Variants in JAGN1 observed in about 807,000 individuals in gnomAD.
JAGN1 encodes the protein protein jagunal homolog 1.
In JAGN1, 13 loss-of-function variants were observed where a neutral mutation model predicts 17.1. That is an observed-to-expected ratio of 0.76 (90% CI 0.49 to 1.21). The LOEUF is 1.21. Ranked by LOEUF, JAGN1 falls within the 50% of genes most tolerant of loss-of-function variation. The pLI, the probability that JAGN1 is intolerant of heterozygous loss-of-function variation, is 0.00. For missense variants in JAGN1, 256 were observed against 234.2 expected (o/e 1.09, Z -0.61); for synonymous variants, 111 against 91.0 (o/e 1.22, Z -1.25).
chr3:9,890,850 C>G lies in JAGN1; in HGVS notation c.89+39C>G, dbSNP rs570622285. The G allele has an allele frequency of 2.0e-5, 30 of 1,520,394 alleles. No individual in the cohort carries two copies. The Admixed American group carries it at 4.5e-4, about 23-fold the overall frequency. The allele number at this position is 1,520,394 out of a possible 1,614,324, so 94.2% of individuals were successfully genotyped here. A position where few individuals can be genotyped will look rare whatever the true frequency, so the allele number is the denominator to read the frequency against. Reference sequence around the variant, plus strand: ...CGAGGAGCACGGAGGCTTTCTCCCCCGCTGGAGCCTGCGGGGCTTGGGGAG... The same window carrying G: ...CGAGGAGCACGGAGGCTTTCTCCCCGGCTGGAGCCTGCGGGGCTTGGGGAG... On this transcript the variant is annotated intron_variant, in intron 1 of 1. Transcript: ENST00000647897.
At chr3:9,891,722 C>T (rs1402398532) in intron 1 of JAGN1, among the ~76,000 whole-genome samples, 2 of 152,060 alleles carry the variant, frequency 1.3e-5, no homozygotes, top group African/African-American at 4.8e-5. Flanking sequence ...ATCTCTAGGC[C>T]CCGGCTGAAA....
chr3:9,892,871 A>C (rs2082571939), intron 1 of JAGN1, 44 bp from the exon 2 acceptor site: 2 of 1,366,322 alleles, frequency 1.5e-6, no homozygotes, highest in South Asian at 1.3e-5. Flanking sequence ...AGTTGGTGGT[A>C]AGAAAAATTT....
At position 9,891,493 on chromosome 3, in the gene JAGN1, GA is replaced by G. The variant is rs536378383; in HGVS notation, c.89+692del. The stretch of plus-strand genomic sequence containing the variant: ...ACCTTCAATAAACAATTTTATTAAA[GA>G]AAAAAAAAACTGTTCCCTGCCTTCA... On this transcript the variant is annotated intron_variant, in intron 1 of 1. Coordinates refer to ENST00000647897, the MANE Select transcript of JAGN1 (RefSeq NM_032492.4). 9.6e-3 allele frequency among the ~76,000 whole-genome samples: 1,384 copies of G among 144,386 alleles called. 25 individuals are homozygous for G. The highest frequency in any genetic ancestry group is 0.033 in the African/African-American group (1,318 of 39,634). 94.7% of individuals were successfully genotyped at this position (144,386 alleles called of 152,430 possible). A position where few individuals can be genotyped will look rare whatever the true frequency, so the allele number is the denominator to read the frequency against.
chr3:9,891,793 G>A (rs9856893), intron 1 of JAGN1, among the ~76,000 whole-genome samples: 1,786 of 152,188 alleles, frequency 0.012, 46 homozygotes, highest in African/African-American at 0.041. Flanking sequence ...ATTGCCTTTA[G>A]GGATATGAGG....
In JAGN1 at chr3:9,893,617, C is replaced by T. The variant is rs2082577956; in HGVS notation, c.*240C>T. On this transcript the variant is annotated 3_prime_UTR_variant, in exon 2 of 2. Transcript: ENST00000647897. The stretch of plus-strand genomic sequence containing the variant: ...CAAATTTCAGCTGTTTGAAGTTGAA[C>T]TTTGAGGTTTTTCTTTAAGAATGAG... 4 of 509,708 alleles carry T rather than the reference C, an allele frequency of 7.8e-6. No homozygotes were observed. In the South Asian group the frequency reaches 1.1e-4, roughly 15 times the overall value. 31.6% of individuals were successfully genotyped at this position (509,708 alleles called of 1,614,324 possible).
At chr3:9,890,908 C>G (rs997833165) in intron 1 of JAGN1, 97 bp downstream of exon 1, 59 of 1,059,134 alleles carry the variant, frequency 5.6e-5, no homozygotes, top group Non-Finnish European at 7.8e-5. Flanking sequence ...TCTTGCTCCC[C>G]AGCCAGCCCC....
rs279558 is a variant in JAGN1 at position 9,890,653 on chromosome 3, G to C, written c.-70G>C. 987,337 of 1,461,532 alleles carry C rather than the reference G, an allele frequency of 0.68. 335,664 individuals carry two copies. The highest frequency in any genetic ancestry group is 0.71 in the East Asian group (29,165 of 40,794). 90.5% of individuals were successfully genotyped at this position (1,461,532 alleles called of 1,614,324 possible). On this transcript the variant is annotated 5_prime_UTR_variant, in exon 1 of 2. Transcript: ENST00000647897. ...GGCTGCGGGGGCGCAAATAGGGTCA[G>C]TGGGCCGCTTGGCGGTGTCGTTGCG...
At chr3:9,892,243 C>G (rs1398194849) in intron 1 of JAGN1, among the ~76,000 whole-genome samples, 2 of 152,116 alleles carry the variant, frequency 1.3e-5, no homozygotes, top group Admixed American at 6.5e-5. Context: ...GTCTCGATCT[C>G]CTGACCTCGT....
intron 1 of JAGN1, among the ~76,000 whole-genome samples, chr3:9,891,556 C>G (rs745882070): frequency 6.8e-6 from 1 of 146,814 alleles, no homozygotes; most frequent in Non-Finnish European, 1.5e-5. Flanking sequence ...TTTTTTTTTT[C>G]CAACCTTTCC....
In JAGN1 at chr3:9,893,402, C is replaced by G. The variant is rs1380995008; in HGVS notation, c.*25C>G. On this transcript the variant is annotated 3_prime_UTR_variant, in exon 2 of 2. Coordinates refer to ENST00000647897, the MANE Select transcript of JAGN1 (RefSeq NM_032492.4). ...AAGCCTCTTTGGGGTGAAGCCTGGACATCCCATCGAATGAAAGGACACTAG... is the reference window on the plus strand; with the variant it reads ...AAGCCTCTTTGGGGTGAAGCCTGGAGATCCCATCGAATGAAAGGACACTAG... 6.5e-7 allele frequency: 1 copy of G among 1,545,204 alleles called. No homozygotes were observed. The highest frequency in any genetic ancestry group is 2.0e-5 in the Admixed American group (1 of 50,834).
At chr3:9,892,311 C>T (rs1012751806) in intron 1 of JAGN1, among the ~76,000 whole-genome samples, 2 of 151,762 alleles carry the variant, frequency 1.3e-5, no homozygotes, top group Admixed American at 6.6e-5. Context: ...CCACCGCGCC[C>T]AGCCCTGCCT....
At chr3:9,891,111 A>G (rs1485743519) in intron 1 of JAGN1, among the ~76,000 whole-genome samples, 2 of 152,198 alleles carry the variant, frequency 1.3e-5, no homozygotes, top group Admixed American at 6.5e-5. Context: ...CACCTTCGAA[A>G]CCGAATTTCT....
Position 9,890,707 on chromosome 3 carries a change from G to A in JAGN1, c.-16G>A, listed in dbSNP as rs1295430589. 3.7e-6 allele frequency: 6 copies of A among 1,601,940 alleles called. No homozygotes were observed. Among genetic ancestry groups the A allele is most frequent in the Non-Finnish European group, 5.1e-6 (6 of 1,175,332 alleles). On this transcript the variant is annotated 5_prime_UTR_variant, in exon 1 of 2. Coordinates refer to ENST00000647897, the MANE Select transcript of JAGN1 (RefSeq NM_032492.4). ...CCAGGTCCGCGTGAGGGGTTCGGGG[G>A]TTCTGGGCAGGCACAATGGCGTCTC...
At position 9,893,359 on chromosome 3, in the gene JAGN1, G is replaced by C; in HGVS notation, c.534G>C (p.Gln178His). 1 of 1,611,660 alleles carries C rather than the reference G, an allele frequency of 6.2e-7. No homozygotes were observed. The highest frequency in any genetic ancestry group is 8.5e-7 in the Non-Finnish European group (1 of 1,178,924). Residue 178 changes from glutamine (Q) to histidine (H), a missense_variant, in exon 2 of 2, where the codon CAG becomes CAC. Transcript: ENST00000647897. The part of the protein sequence containing the change: ...KLLDSWFTST[Q>H]EKKHK ...TAGACTCTTGGTTCACCAGCACACA[G>C]GAGAAGAAGCATAAATGAAGCCTCT...
intron 1 of JAGN1, among the ~76,000 whole-genome samples, chr3:9,891,312 T>C (rs1385075507): frequency 6.6e-6 from 1 of 152,246 alleles, no homozygotes; most frequent in East Asian, 1.9e-4. Flanking sequence ...TAAGGACGCC[T>C]TGCCTAAAAT....
Position 9,893,165 on chromosome 3 carries a change from C to A in JAGN1, c.340C>A (p.Pro114Thr), listed in dbSNP as rs781446820. The A allele has an allele frequency of 6.2e-7, 1 of 1,614,232 alleles. No homozygotes were observed. The highest frequency in any genetic ancestry group is 8.5e-7 in the Non-Finnish European group (1 of 1,180,038). The part of the protein sequence containing the change: ...MISMGLFSIA[P>T]LIYGSMEMFP... ...CAGCATGGGACTCTTTTCCATCGCT[C>A]CACTCATTTATGGCAGCATGGAGAT... is the stretch of plus-strand genomic sequence containing the variant. The change falls in exon 2 of 2, where the codon CCA (proline) becomes ACA (threonine). Residue 114 changes from proline (P) to threonine (T), a missense_variant. Physicochemically the swap from Pro to Thr is conservative, Grantham distance 38. Coordinates refer to ENST00000647897, the MANE Select transcript of JAGN1 (RefSeq NM_032492.4).
At position 9,893,430 on chromosome 3, in the gene JAGN1, C is replaced by T; in HGVS notation, c.*53C>T. On this transcript the variant is annotated 3_prime_UTR_variant, in exon 2 of 2. Transcript: ENST00000647897. ...CCCATCGAATGAAAGGACACTAGTA[C>T]AGCGGTTCCAAAATCCCTTCTGGTG... The T allele has an allele frequency of 1.5e-6, 2 of 1,370,878 alleles. No homozygotes were observed. The highest frequency in any genetic ancestry group is 2.1e-4 in the Middle Eastern group (1 of 4,664). The allele number at this position is 1,370,878 out of a possible 1,614,324, so 84.9% of individuals were successfully genotyped here.
intron 1 of JAGN1, among the ~76,000 whole-genome samples, chr3:9,892,129 C>A (rs962957187): frequency 1.3e-5 from 2 of 152,140 alleles, no homozygotes; most frequent in Non-Finnish European, 2.9e-5. Context: ...CCATTCTCAG[C>A]CTCAGCCTCC....
intron 1 of JAGN1, 63 bp from the exon 2 acceptor site, chr3:9,892,852 C>T (rs1432092196): frequency 1.3e-5 from 14 of 1,072,986 alleles, no homozygotes; most frequent in Non-Finnish European, 1.8e-5. Context: ...GTACAGTTGT[C>T]TGGCATATAG....
Sources: gnomAD v4.1 joint callset for allele counts (sites outside exome capture counted in the v4.1 genomes callset) on GRCh38, gnomAD v4.1.1 for gene constraint, MANE v1.5 for transcripts, NCBI Gene and HGNC (gene_info 2026-07-23, HGNC 2026-07-21) for gene names.